The following OSBPL10 variants were observed in gnomAD, a reference collection of about 807,000 sequenced individuals.
The protein encoded by OSBPL10 is oxysterol binding protein like 10, also known as oxysterol-binding protein-related protein 10.
OSBPL10 carries 49 observed loss-of-function variants against 81.7 expected under a neutral mutation model. The ratio of observed to expected loss-of-function variants is 0.60; its 90% confidence interval spans 0.48 to 0.76. The LOEUF is 0.76. OSBPL10 is among the 30% of genes least tolerant of loss of function. The pLI is 0.00. For synonymous variants in OSBPL10, 419 were observed against 383.6 expected (o/e 1.09, Z -1.08); for missense variants, 923 against 987.8 (o/e 0.93, Z 0.88).
At chr3:31,914,769 TA>T (rs1696701256) in intron 1 of OSBPL10, among the ~76,000 whole-genome samples, 1 of 152,174 alleles carries the variant, frequency 6.6e-6, no homozygotes, top group African/African-American at 2.4e-5. Flanking sequence ...TTAAATAAAA[TA>T]AAAAATTCAA....
At chr3:32,048,401 T>C (rs1300675387) in intron 1 of OSBPL10, among the ~76,000 whole-genome samples, 1 of 151,112 alleles carries the variant, frequency 6.6e-6, no homozygotes, top group Non-Finnish European at 1.5e-5. Context: ...TCTGCCTTCC[T>C]GGTTCAAGTG....
intron 1 of OSBPL10, among the ~76,000 whole-genome samples, chr3:31,973,208 A>G (rs1039732896): frequency 6.6e-6 from 1 of 152,184 alleles, no homozygotes; most frequent in Non-Finnish European, 1.5e-5. Context: ...GAGTCCTCAG[A>G]CAACTGTCCA....
chr3:31,886,924 G>A (rs1244295175), intron 1 of OSBPL10, among the ~76,000 whole-genome samples: 7 of 150,000 alleles, frequency 4.7e-5, no homozygotes, highest in African/African-American at 1.7e-4. Flanking sequence ...GGGTGACAGA[G>A]TGAGACTCCA....
At chr3:31,766,337 G>GTTTTT (rs1259127969) in intron 4 of OSBPL10, among the ~76,000 whole-genome samples, 7 of 26,830 alleles carry the variant, frequency 2.6e-4, no homozygotes, top group African/African-American at 4.0e-4. Context: ...TTGTTTTTTT[G>GTTTTT]TTTTTTTTTG....
chr3:31,746,740 G>A (rs563583930), intron 5 of OSBPL10, among the ~76,000 whole-genome samples: 10 of 142,460 alleles, frequency 7.0e-5, no homozygotes, highest in East Asian at 4.3e-4. Context: ...ACCAAACACC[G>A]CATGTTCTCA....
intron 7 of OSBPL10, among the ~76,000 whole-genome samples, chr3:31,696,147 T>C (rs74850200): frequency 0.037 from 5,556 of 152,188 alleles, 340 homozygotes; most frequent in African/African-American, 0.13. Context: ...TCTGCACCCC[T>C]CTCTCTGCCT....
At chr3:31,663,012 C>A in intron 11 of OSBPL10, 1 of 985,432 alleles carries the variant, frequency 1.0e-6, no homozygotes, top group Non-Finnish European at 1.2e-6. Flanking sequence ...CAGTCCACAG[C>A]CTGACTCTGG....
chr3:31,690,711 A>G (rs952268606), intron 7 of OSBPL10, among the ~76,000 whole-genome samples: 1 of 152,176 alleles, frequency 6.6e-6, no homozygotes, highest in Non-Finnish European at 1.5e-5. Context: ...GAATACCTGG[A>G]GAGATGGAGC....
intron 4 of OSBPL10, among the ~76,000 whole-genome samples, chr3:31,752,614 A>C (rs1021372250): frequency 6.6e-6 from 1 of 152,240 alleles, no homozygotes; most frequent in Non-Finnish European, 1.5e-5. Flanking sequence ...CTGCAGAAGA[A>C]GAAAAAAACA....
At position 32,031,611 on chromosome 3, in the gene OSBPL10, G is replaced by A. The variant is rs150578551; in HGVS notation, n.298+14880C>T. 8.6e-3 allele frequency among the ~76,000 whole-genome samples: 1,313 copies of A among 152,022 alleles called. 14 individuals carry two copies. Among genetic ancestry groups the A allele is most frequent in the African/African-American group, 0.03 (1,247 of 41,438 alleles). On this transcript the variant is annotated intron_variant and non_coding_transcript_variant, in intron 2 of 3. Transcript: ENST00000479173. ...CAAGTAGCTGGGACTACAGGCATAC[G>A]CCCGGCTAATTTTTGTATTTTTAGT... is the stretch of plus-strand genomic sequence containing the variant.
chr3:32,068,257 G>A (rs1484608797), intron 1 of OSBPL10, among the ~76,000 whole-genome samples: 2 of 152,164 alleles, frequency 1.3e-5, no homozygotes, highest in East Asian at 1.9e-4. Flanking sequence ...ATCACTGCGG[G>A]GACCCCTGCC....
chr3:31,786,647 C>T (rs1040013843), intron 4 of OSBPL10, among the ~76,000 whole-genome samples: 9 of 152,190 alleles, frequency 5.9e-5, no homozygotes, highest in Non-Finnish European at 1.2e-4. Flanking sequence ...TACCTCTTAA[C>T]GCTGTTGCCC....
chr3:32,034,124 A>G (rs1038063488), intron 2 of OSBPL10, among the ~76,000 whole-genome samples: 1 of 152,148 alleles, frequency 6.6e-6, no homozygotes, highest in Non-Finnish European at 1.5e-5. Flanking sequence ...CTCACTCACT[A>G]TCAGGAGAAC....
chr3:31,800,590 G>A (rs1354514039), intron 4 of OSBPL10, among the ~76,000 whole-genome samples: 1 of 152,192 alleles, frequency 6.6e-6, no homozygotes, highest in Non-Finnish European at 1.5e-5. Context: ...CTCACTGAAA[G>A]CAAATGAGTA....
chr3:31,722,774 C>T (rs1157256076), intron 6 of OSBPL10, among the ~76,000 whole-genome samples: 1 of 152,076 alleles, frequency 6.6e-6, no homozygotes, highest in Non-Finnish European at 1.5e-5. Context: ...AACCGTCATT[C>T]CTGGGGGTTT....
rs565085305 is a variant in OSBPL10 at position 32,017,245 on chromosome 3, A to G, written n.298+29246T>C. Among the ~76,000 whole-genome samples the G allele has an allele frequency of 7.2e-5, 11 of 152,332 alleles. No homozygotes were observed. The South Asian group carries it at 2.3e-3, about 32-fold the overall frequency. ...TTTCCCATTTTAAAGATGAGGAAAT[A>G]ACTTTCAAAGAAGTTAAAAAGCTTT... On this transcript the variant is annotated intron_variant and non_coding_transcript_variant, in intron 2 of 3. Coordinates refer to the OSBPL10 transcript ENST00000479173.
Position 31,660,873 on chromosome 3 carries a change from C to T in OSBPL10, c.*1199G>A, listed in dbSNP as rs1173385336. 1 of 152,558 alleles carries T rather than the reference C, an allele frequency of 6.6e-6. No homozygotes were observed. Among genetic ancestry groups the T allele is most frequent in the Non-Finnish European group, 1.5e-5 (1 of 68,038 alleles). 9.5% of individuals were successfully genotyped at this position (152,558 alleles called of 1,614,324 possible). A position where few individuals can be genotyped will look rare whatever the true frequency, so the allele number is the denominator to read the frequency against. ...TCTAATATCTACAAAGTGTGAACAA[C>T]TGGTCTTAAGAAAGCAGACAAAAGG... On this transcript the variant is annotated 3_prime_UTR_variant, in exon 12 of 12. Coordinates refer to ENST00000396556, the MANE Select transcript of OSBPL10 (RefSeq NM_017784.5).
intron 3 of OSBPL10, among the ~76,000 whole-genome samples, chr3:31,863,314 G>A (rs1575588737): frequency 1.3e-5 from 2 of 151,960 alleles, no homozygotes; most frequent in Admixed American, 1.3e-4. Context: ...AGGGAAACAG[G>A]GGATTTTTTT....
intron 6 of OSBPL10, among the ~76,000 whole-genome samples, chr3:31,715,499 T>G (rs1482031736): frequency 6.6e-6 from 1 of 152,226 alleles, no homozygotes; most frequent in Non-Finnish European, 1.5e-5. Context: ...ACTCGAACGT[T>G]ACTGCCATGT....
Sources: allele counts gnomAD v4.1 joint callset (sites outside exome capture counted in the v4.1 genomes callset), GRCh38; gene constraint gnomAD v4.1.1; transcripts MANE v1.5; gene names NCBI Gene and HGNC (gene_info 2026-07-23, HGNC 2026-07-21).